The following ARB2A variants were observed in gnomAD, a reference collection of about 807,000 sequenced individuals.
ARB2A encodes the protein ARB2 cotranscriptional regulator A, also known as cotranscriptional regulator ARB2A.
the ARB2A span, among the ~76,000 whole-genome samples, chr5:93,987,037 A>G: frequency 1.3e-5 from 2 of 152,252 alleles, no homozygotes; most frequent in South Asian, 2.1e-4. Flanking sequence ...TTAAAAAAAA[A>G]GAAAAACTTA....
At chr5:93,759,853 C>T in the ARB2A span, among the ~76,000 whole-genome samples, 1 of 152,266 alleles carries the variant, frequency 6.6e-6, no homozygotes, top group East Asian at 1.9e-4. Context: ...AGGATGTCCA[C>T]TCTCATGACT....
chr5:94,069,923 A>G, the ARB2A span, among the ~76,000 whole-genome samples: 17 of 152,200 alleles, frequency 1.1e-4, no homozygotes, highest in Non-Finnish European at 2.4e-4. Context: ...ACAAGCCAGC[A>G]TGTGCACTAC....
chr5:93,770,976 A>C, the ARB2A span, among the ~76,000 whole-genome samples: 2 of 152,318 alleles, frequency 1.3e-5, no homozygotes, highest in South Asian at 4.1e-4. Flanking sequence ...ATGGAACCAA[A>C]AAAGAGCCCA....
At chr5:94,072,933 C>CCGCT in the ARB2A span, among the ~76,000 whole-genome samples, 1 of 152,048 alleles carries the variant, frequency 6.6e-6, no homozygotes, top group Non-Finnish European at 1.5e-5. Flanking sequence ...TGCTTTAACC[C>CCGCT]CGCTCATCTT....
chr5:94,036,851 G>T, the ARB2A span, among the ~76,000 whole-genome samples: 1 of 152,152 alleles, frequency 6.6e-6, no homozygotes, highest in Admixed American at 6.5e-5. Flanking sequence ...TAGAATCCAG[G>T]TTTTGTTACT....
chr5:93,912,119 T>G, the ARB2A span, among the ~76,000 whole-genome samples: 1 of 151,724 alleles, frequency 6.6e-6, no homozygotes, highest in African/African-American at 2.4e-5. Context: ...TGTGTATATA[T>G]CGTTATTGTC....
the ARB2A span, among the ~76,000 whole-genome samples, chr5:93,909,004 A>AT: frequency 9.3e-5 from 14 of 151,148 alleles, no homozygotes; most frequent in Middle Eastern, 0.024. Context: ...AGAATCTGAA[A>AT]TTTTTTTCTG....
chr5:94,086,425 T>A, the ARB2A span, among the ~76,000 whole-genome samples: 16 of 152,190 alleles, frequency 1.1e-4, no homozygotes, highest in East Asian at 3.1e-3. Context: ...ACATTACTCA[T>A]GTGTTTGTGG....
the ARB2A span, among the ~76,000 whole-genome samples, chr5:93,953,639 C>A: frequency 6.6e-6 from 1 of 152,214 alleles, no homozygotes; most frequent in Admixed American, 6.5e-5. Flanking sequence ...CCTGCAGTAA[C>A]CACTGCCTAA....
At chr5:93,644,732 T>A in the ARB2A span, among the ~76,000 whole-genome samples, 1 of 152,004 alleles carries the variant, frequency 6.6e-6, no homozygotes, top group African/African-American at 2.4e-5. Context: ...CCTGGTTGTA[T>A]TTTTTTTAAA....
chr5:93,684,960 T>C, the ARB2A span, among the ~76,000 whole-genome samples: 2 of 152,358 alleles, frequency 1.3e-5, no homozygotes, highest in African/African-American at 2.4e-5. Flanking sequence ...GTGAGGATCA[T>C]TGCTTTTACA....
At chr5:93,776,362 T>C in the ARB2A span, 7 of 649,424 alleles carry the variant, frequency 1.1e-5, no homozygotes, top group African/African-American at 1.9e-5. Context: ...TTATTTTCCA[T>C]ACACTTAACA....
the ARB2A span, among the ~76,000 whole-genome samples, chr5:93,676,784 G>A: frequency 1.3e-5 from 2 of 152,136 alleles, no homozygotes; most frequent in South Asian, 4.2e-4. Context: ...CAAACTTTAA[G>A]CTCCAGGAGA....
the ARB2A span, chr5:93,964,435 C>A: frequency 6.8e-7 from 1 of 1,465,104 alleles, no homozygotes; most frequent in Non-Finnish European, 9.3e-7. Context: ...TTGAAATAAA[C>A]ATTTCTTTAA....
the ARB2A span, among the ~76,000 whole-genome samples, chr5:93,894,497 G>A: frequency 1.3e-5 from 2 of 152,010 alleles, no homozygotes; most frequent in Non-Finnish European, 2.9e-5. Flanking sequence ...ACAGTGAAAT[G>A]CCTGCTGAAT....
At chr5:93,707,463 A>T in the ARB2A span, among the ~76,000 whole-genome samples, 2 of 152,072 alleles carry the variant, frequency 1.3e-5, no homozygotes, top group Non-Finnish European at 2.9e-5. Context: ...AAATTAAAAA[A>T]TTCATTATTT....
chr5:93,821,371 A>C, the ARB2A span, among the ~76,000 whole-genome samples: 2 of 152,194 alleles, frequency 1.3e-5, no homozygotes, highest in African/African-American at 4.8e-5. Flanking sequence ...ATGGCAATTT[A>C]AATGACTGAA....
At chr5:93,969,677 C>G in the ARB2A span, among the ~76,000 whole-genome samples, 1 of 152,068 alleles carries the variant, frequency 6.6e-6, no homozygotes, top group African/African-American at 2.4e-5. Context: ...AAAATCACTT[C>G]TCTATGGAGC....
the ARB2A span, among the ~76,000 whole-genome samples, chr5:93,819,110 C>T: frequency 7.5e-6 from 1 of 132,590 alleles, no homozygotes; most frequent in East Asian, 2.4e-4. Flanking sequence ...GGCGTGAACC[C>T]GGGAGGCGGA....
Sources: allele counts gnomAD v4.1 joint callset (sites outside exome capture counted in the v4.1 genomes callset), GRCh38; gene constraint gnomAD v4.1.1; transcripts MANE v1.5; gene names NCBI Gene and HGNC (gene_info 2026-07-23, HGNC 2026-07-21).